Variants in CFAP299 observed in about 807,000 individuals in gnomAD.
CFAP299 encodes cilia- and flagella-associated protein 299.
Under a neutral mutation model 27.0 loss-of-function variants are expected in CFAP299, and 21 were observed. The ratio of observed to expected loss-of-function variants is 0.78; its 90% confidence interval spans 0.55 to 1.12. The LOEUF is 1.12. CFAP299 is among the 50% of genes most tolerant of loss of function. The pLI, the probability that CFAP299 is intolerant of heterozygous loss-of-function variation, is 0.00. For missense variants in CFAP299, 310 were observed against 276.6 expected, an observed-to-expected ratio of 1.12 and a Z score of -0.86; for synonymous variants, 104 against 98.1, an observed-to-expected ratio of 1.06 and a Z score of -0.36.
intron 4 of CFAP299, among the ~76,000 whole-genome samples, chr4:80,877,142 A>G (rs530827039): frequency 1.3e-5 from 2 of 152,318 alleles, no homozygotes; most frequent in South Asian, 4.1e-4. Flanking sequence ...GTTGAACCTC[A>G]GTTATGTCCC....
intron 3 of CFAP299, among the ~76,000 whole-genome samples, chr4:80,847,111 T>C (rs1162947679): frequency 6.6e-6 from 1 of 152,196 alleles, no homozygotes; most frequent in Admixed American, 6.5e-5. Flanking sequence ...AGTAAGATCA[T>C]AGGCTTCATG....
At chr4:80,405,808 A>G (rs535053513) in intron 2 of CFAP299, among the ~76,000 whole-genome samples, 2 of 152,144 alleles carry the variant, frequency 1.3e-5, no homozygotes, top group South Asian at 4.1e-4. Flanking sequence ...TCACTAGATG[A>G]AATAGATTGT....
intron 2 of CFAP299, among the ~76,000 whole-genome samples, chr4:80,446,378 G>A (rs1728617119): frequency 6.6e-6 from 1 of 152,218 alleles, no homozygotes; most frequent in South Asian, 2.1e-4. Flanking sequence ...AAATTCCCAA[G>A]AGGCTGACAG....
In CFAP299 at chr4:80,362,783, G is replaced by A; in HGVS notation, c.141G>A (p.Glu47=). ...AAACCCTGGCCCGCCAGTTGGTGGAGCTAGGCTACCGAGGGACTGGAGAGA... is the reference window on the plus strand; with the variant it reads ...AAACCCTGGCCCGCCAGTTGGTGGAACTAGGCTACCGAGGGACTGGAGAGA... The part of the protein sequence containing the change: ...EDETLARQLV[E]LGYRGTGERV... The change falls in exon 2 of 6, where the codon GAG becomes GAA. Residue 47 remains glutamate, a synonymous_variant. Coordinates refer to ENST00000358105, the MANE Select transcript of CFAP299 (RefSeq NM_152770.3). 1 of 1,611,808 alleles carries A rather than the reference G, an allele frequency of 6.2e-7. No individual in the cohort carries two copies. Among genetic ancestry groups the A allele is most frequent in the Non-Finnish European group, 8.5e-7 (1 of 1,179,476 alleles).
chr4:80,723,170 G>A (rs979787565), intron 3 of CFAP299, among the ~76,000 whole-genome samples: 1 of 151,796 alleles, frequency 6.6e-6, no homozygotes, highest in Admixed American at 6.5e-5. Context: ...TGGTACCATC[G>A]CTTAGGTGAA....
chr4:80,591,104 A>ATTTTTTTTTTTTTTTT (rs1339201630), intron 3 of CFAP299, among the ~76,000 whole-genome samples: 9 of 116,530 alleles, frequency 7.7e-5, no homozygotes, highest in African/African-American at 9.7e-5. Flanking sequence ...TACTTTAGGA[A>ATTTTTTTTTTTTTTTT]ATTTTTTTTT....
intron 3 of CFAP299, among the ~76,000 whole-genome samples, chr4:80,709,929 T>C (rs908767525): frequency 4.6e-5 from 7 of 152,196 alleles, no homozygotes; most frequent in Admixed American, 3.3e-4. Context: ...CAGAAGAATG[T>C]AATAGCTAAG....
chr4:80,866,933 G>A (rs1446556378), intron 3 of CFAP299, among the ~76,000 whole-genome samples: 2 of 152,168 alleles, frequency 1.3e-5, no homozygotes, highest in African/African-American at 2.4e-5. Flanking sequence ...ACAATGAAGT[G>A]TAAAGAAATT....
At chr4:80,399,368 G>A (rs1323334167) in intron 2 of CFAP299, among the ~76,000 whole-genome samples, 1 of 152,068 alleles carries the variant, frequency 6.6e-6, no homozygotes, top group East Asian at 1.9e-4. Context: ...TATAAATCAG[G>A]CTGCTATACA....
At chr4:80,775,638 C>G (rs1384463921) in intron 3 of CFAP299, among the ~76,000 whole-genome samples, 1 of 151,694 alleles carries the variant, frequency 6.6e-6, no homozygotes, top group African/African-American at 2.4e-5. Flanking sequence ...AAAAAAAGCA[C>G]CAGAACACTA....
chr4:80,423,512 G>T (rs1049451790), intron 2 of CFAP299, among the ~76,000 whole-genome samples: 2 of 152,168 alleles, frequency 1.3e-5, no homozygotes, highest in African/African-American at 4.8e-5. Context: ...GGGCAGCACT[G>T]GGCCAAGGTC....
At chr4:80,902,259 C>T (rs1734937342) in intron 4 of CFAP299, among the ~76,000 whole-genome samples, 1 of 150,804 alleles carries the variant, frequency 6.6e-6, no homozygotes, top group Non-Finnish European at 1.5e-5. Context: ...TATATGTTAA[C>T]AGCAAATCTG....
At chr4:80,801,921 A>G (rs888466163) in intron 3 of CFAP299, among the ~76,000 whole-genome samples, 1 of 152,110 alleles carries the variant, frequency 6.6e-6, no homozygotes, top group African/African-American at 2.4e-5. Context: ...TTTATTTTCA[A>G]CTAATTCAGC....
chr4:80,695,831 T>A (rs1721052950), intron 3 of CFAP299, among the ~76,000 whole-genome samples: 1 of 151,902 alleles, frequency 6.6e-6, no homozygotes, highest in Non-Finnish European at 1.5e-5. Flanking sequence ...AACTTTTGTA[T>A]TTTTTTAATA....
intron 4 of CFAP299, among the ~76,000 whole-genome samples, chr4:80,939,876 T>G (rs1398629846): frequency 6.6e-6 from 1 of 152,190 alleles, no homozygotes; most frequent in Non-Finnish European, 1.5e-5. Context: ...TTTTTCCTCC[T>G]ATGAGGAAGT....
At chr4:80,508,176 G>A (rs569582042) in intron 2 of CFAP299, among the ~76,000 whole-genome samples, 15 of 152,194 alleles carry the variant, frequency 9.9e-5, no homozygotes, top group African/African-American at 1.9e-4. Context: ...CTTATCTTCC[G>A]AAATCTGCTA....
intron 4 of CFAP299, among the ~76,000 whole-genome samples, chr4:80,942,391 C>T (rs917387724): frequency 4.6e-5 from 7 of 152,024 alleles, no homozygotes; most frequent in Non-Finnish European, 7.4e-5. Context: ...TATACCTACT[C>T]CATGGATTTG....
chr4:80,603,474 C>T (rs776471149), intron 3 of CFAP299, among the ~76,000 whole-genome samples: 18 of 152,012 alleles, frequency 1.2e-4, no homozygotes, highest in Non-Finnish European at 2.2e-4. Flanking sequence ...TAATAGCTAT[C>T]GCTGAGTGCT....
chr4:80,390,477 TC>T (rs1725265258), intron 2 of CFAP299, among the ~76,000 whole-genome samples: 2 of 146,342 alleles, frequency 1.4e-5, no homozygotes, highest in African/African-American at 5.2e-5. Context: ...AGCAATTCTC[TC>T]CTCTCTCTCT....
Sources: gnomAD v4.1 joint callset for allele counts (sites outside exome capture counted in the v4.1 genomes callset) on GRCh38, gnomAD v4.1.1 for gene constraint, MANE v1.5 for transcripts, NCBI Gene and HGNC (gene_info 2026-07-23, HGNC 2026-07-21) for gene names.